The following FANCA variants were observed in gnomAD, a reference collection of about 807,000 sequenced individuals.
The protein encoded by FANCA is Fanconi anemia group A protein.
A neutral mutation model predicts 194.3 loss-of-function variants in FANCA; 236 were observed. That is an observed-to-expected ratio of 1.21 (90% CI 1.09 to 1.35). FANCA has a LOEUF of 1.35. FANCA is among the 40% of genes most tolerant of loss of function. The pLI is 0.00. For synonymous variants in FANCA, 1,014 were observed against 715.8 expected, an observed-to-expected ratio of 1.42 and a Z score of -6.65; for missense variants, 2,628 against 1,813.9, an observed-to-expected ratio of 1.45 and a Z score of -8.15.
At position 89,769,967 on chromosome 16, in the gene FANCA, C is replaced by G. The variant is rs946373486; in HGVS notation, c.2374G>C (p.Gly792Arg). 6 of 1,613,992 alleles carry G rather than the reference C, an allele frequency of 3.7e-6. No homozygotes were observed. Among genetic ancestry groups the G allele is most frequent in the Non-Finnish European group, 5.1e-6 (6 of 1,180,030 alleles). Residue 792 changes from glycine to arginine, a missense_variant, in exon 26 of 43, where the codon GGT becomes CGT. Physicochemically the swap from Gly to Arg is moderately radical, Grantham distance 125 (BLOSUM62 -2). Coordinates refer to ENST00000389301, the MANE Select transcript of FANCA (RefSeq NM_000135.4). ...LGLAALAVHLGESRSALPEVD... is the reference protein window; with the variant it reads ...LGLAALAVHLRESRSALPEVD... Reference sequence around the variant, plus strand: ...TCTGGGAGCGCAGACCTGGACTCACCCAGGTGCACGGCCAGGGCAGCCAAC... The same window carrying G: ...TCTGGGAGCGCAGACCTGGACTCACGCAGGTGCACGGCCAGGGCAGCCAAC...
chr16:89,755,632 A>C (rs2038741585), intron 30 of FANCA, among the ~76,000 whole-genome samples: 2 of 152,256 alleles, frequency 1.3e-5, no homozygotes, highest in Admixed American at 1.3e-4. Flanking sequence ...GAGTGAAAAA[A>C]GAATTAACAG....
chr16:89,783,165 C>A, intron 15 of FANCA, 63 bp from the exon 16 acceptor site: 1 of 1,240,310 alleles, frequency 8.1e-7, no homozygotes, highest in Non-Finnish European at 1.2e-6. Context: ...TCCAGGGAGG[C>A]CACAATTCAC....
intron 9 of FANCA, 45 bp downstream of exon 9, chr16:89,799,560 C>G: frequency 1.9e-6 from 3 of 1,579,860 alleles, no homozygotes; most frequent in East Asian, 2.2e-5. Flanking sequence ...TGCTAATAAG[C>G]AAACTAAGTC....
Position 89,791,140 on chromosome 16 carries a change from A to G in FANCA, c.1359+263T>C, listed in dbSNP as rs8045232. On this transcript the variant is annotated intron_variant, in intron 14 of 42. Coordinates refer to ENST00000389301, the MANE Select transcript of FANCA (RefSeq NM_000135.4). ...GGAGGCTCCGTCAACTAAGTGAGAC[A>G]GAAACCAGGGGAAGGAGCTGAGGCC... is the stretch of plus-strand genomic sequence containing the variant. The G allele has an allele frequency of 0.49, 259,859 of 533,012 alleles. 72,396 individuals are homozygous for G. Among genetic ancestry groups the G allele is most frequent in the East Asian group, 0.98 (29,735 of 30,332 alleles). The allele number at this position is 533,012 out of a possible 1,614,324, so 33.0% of individuals were successfully genotyped here. A position where few individuals can be genotyped will look rare whatever the true frequency, so the allele number is the denominator to read the frequency against.
At chr16:89,748,869 G>C in intron 32 of FANCA, 102 bp from the exon 33 acceptor site, 1 of 949,902 alleles carries the variant, frequency 1.1e-6, no homozygotes, top group Non-Finnish European at 1.6e-6. Flanking sequence ...CTGAAACCCA[G>C]GGCCACTGTT....
intron 26 of FANCA, among the ~76,000 whole-genome samples, chr16:89,767,734 G>C (rs1002567580): frequency 1.3e-5 from 2 of 152,174 alleles, no homozygotes; most frequent in South Asian, 2.1e-4. Flanking sequence ...ATTTTTAGTA[G>C]AGATGGGGTT....
rs17227326 is a variant in FANCA, at chr16:89,741,008, A to G, written c.3766-142T>C. The G allele has an allele frequency of 0.016, 12,224 of 763,620 alleles. 327 individuals are homozygous for G. Among genetic ancestry groups the G allele is most frequent in the South Asian group, 0.081 (5,216 of 64,516 alleles). 47.3% of individuals were successfully genotyped at this position (763,620 alleles called of 1,614,324 possible). A position where few individuals can be genotyped will look rare whatever the true frequency, so the allele number is the denominator to read the frequency against. On this transcript the variant is annotated intron_variant, in intron 37 of 42. Coordinates refer to ENST00000389301, the MANE Select transcript of FANCA (RefSeq NM_000135.4). The stretch of plus-strand genomic sequence containing the variant: ...TAAGTGGATCTTAGAAAACTTTCCA[A>G]TCACTTCTAGAGAGACAGCTTAATT...
intron 6 of FANCA, among the ~76,000 whole-genome samples, chr16:89,807,425 G>T (rs1448007742): frequency 6.6e-6 from 1 of 151,768 alleles, no homozygotes; most frequent in Non-Finnish European, 1.5e-5. Context: ...CTGCACTCCA[G>T]CCTGGCGACA....
chr16:89,772,993 T>A (rs928072443), intron 22 of FANCA, among the ~76,000 whole-genome samples: 1 of 152,136 alleles, frequency 6.6e-6, no homozygotes, highest in Non-Finnish European at 1.5e-5. Context: ...GGCATCCTAG[T>A]CACGCGTTTT....
intron 11 of FANCA, 104 bp from the exon 12 acceptor site, chr16:89,792,651 C>G (rs75682340): frequency 1.1e-6 from 1 of 886,758 alleles, no homozygotes; most frequent in Non-Finnish European, 1.8e-6. Flanking sequence ...TCCCCGTGTG[C>G]GGCGACGAGA....
intron 3 of FANCA, 141 bp from the exon 4 acceptor site, chr16:89,811,212 G>T: frequency 1.0e-6 from 1 of 987,164 alleles, no homozygotes; most frequent in Non-Finnish European, 1.5e-6. Context: ...AGATGCAAAG[G>T]GAAAAACATG....
chr16:89,751,777 TTTTTTTTGAGACGGAGTC>T (rs1242206286), intron 31 of FANCA, among the ~76,000 whole-genome samples: 5 of 151,838 alleles, frequency 3.3e-5, no homozygotes, highest in African/African-American at 1.2e-4. Flanking sequence ...TATCTTTTTT[TTTTTTTTGAGACGGAGTC>T]TCACTCTGTC....
chr16:89,791,888 ACT>A (rs746992014), intron 13 of FANCA, 37 bp downstream of exon 13: 3 of 1,612,454 alleles, frequency 1.9e-6, no homozygotes, highest in Non-Finnish European at 1.7e-6. Flanking sequence ...CCCTACACAC[ACT>A]CTTGACCAGC....
At chr16:89,779,520 T>C (rs781693695) in intron 18 of FANCA, among the ~76,000 whole-genome samples, 8 of 151,616 alleles carry the variant, frequency 5.3e-5, no homozygotes, top group Admixed American at 3.9e-4. Flanking sequence ...CAATCAGCAG[T>C]TCCTGTTGGC....
chr16:89,747,031 C>T lies in FANCA; in HGVS notation c.3349-141G>A, dbSNP rs971783827. 6.1e-6 allele frequency: 5 copies of T among 813,808 alleles called. No individual in the cohort carries two copies. The Admixed American group carries it at 1.0e-4, about 17-fold the overall frequency. 50.4% of individuals were successfully genotyped at this position (813,808 alleles called of 1,614,324 possible). Reference sequence around the variant, plus strand: ...GGCCACCATGGATGGTGCTCCTGGGCTGACCGGGCCTGGCGCCCTGGCTGT... The same window carrying T: ...GGCCACCATGGATGGTGCTCCTGGGTTGACCGGGCCTGGCGCCCTGGCTGT... On this transcript the variant is annotated intron_variant, in intron 33 of 42. Transcript: ENST00000389301.
intron 30 of FANCA, among the ~76,000 whole-genome samples, chr16:89,754,073 T>C (rs1335822470): frequency 1.3e-5 from 2 of 150,716 alleles, no homozygotes; most frequent in African/African-American, 4.9e-5. Flanking sequence ...CAAACAAAAA[T>C]TAGCTGGGCA....
intron 10 of FANCA, among the ~76,000 whole-genome samples, chr16:89,796,984 C>T (rs2040270089): frequency 6.7e-6 from 1 of 150,206 alleles, no homozygotes; most frequent in Admixed American, 6.8e-5. Context: ...CAACGAAACC[C>T]CATCTCTACT....
At chr16:89,760,140 T>G (rs994233201) in intron 29 of FANCA, among the ~76,000 whole-genome samples, 1 of 152,212 alleles carries the variant, frequency 6.6e-6, no homozygotes, top group African/African-American at 2.4e-5. Context: ...CACGCAGCGG[T>G]GACCTGATGC....
Position 89,816,458 on chromosome 16 carries a change from G to A in FANCA, c.79+79C>T, listed in dbSNP as rs556442783. 250 of 1,300,734 alleles carry A rather than the reference G, an allele frequency of 1.9e-4. No homozygotes were observed. The African/African-American group carries it at 3.2e-3, about 17-fold the overall frequency. The allele number at this position is 1,300,734 out of a possible 1,614,324, so 80.6% of individuals were successfully genotyped here. A position where few individuals can be genotyped will look rare whatever the true frequency, so the allele number is the denominator to read the frequency against. On this transcript the variant is annotated intron_variant, in intron 1 of 42. Transcript: ENST00000389301. ...GGGGATCCGACCGGCGGAGGCTCTG[G>A]CGGGAAGGGATCGGGGAACCGGCGA...
Sources: gnomAD v4.1 joint callset for allele counts (sites outside exome capture counted in the v4.1 genomes callset) on GRCh38, gnomAD v4.1.1 for gene constraint, MANE v1.5 for transcripts, NCBI Gene and HGNC (gene_info 2026-07-23, HGNC 2026-07-21) for gene names.